TANC2: variants seen among roughly 807,000 people sequenced by gnomAD.
The protein encoded by TANC2 is tetratricopeptide repeat, ankyrin repeat and coiled-coil containing 2.
In TANC2, 26 loss-of-function variants were observed where a neutral mutation model predicts 210.5. That is an observed-to-expected ratio of 0.12 (90% CI 0.09 to 0.17). The LOEUF is 0.17. TANC2 is among the 10% of genes least tolerant of loss of function. The pLI is 1.00. For synonymous variants in TANC2, 931 were observed against 967.1 expected, an observed-to-expected ratio of 0.96 and a Z score of 0.69; for missense variants, 2,129 against 2,608.9, an observed-to-expected ratio of 0.82 and a Z score of 4.01.
In TANC2 at chr17:63,046,325, CTTTTTTTTTT is replaced by C. The variant is rs57550590; in HGVS notation, c.68-27603_68-27594del. ...CAGGTGCGTGCCACCACACCCAGCT[CTTTTTTTTTT>C]TTTTTTTTTTTTTTGAGATGGAGTT... On this transcript the variant is annotated intron_variant, in intron 2 of 27. Transcript: ENST00000689528. Among the ~76,000 whole-genome samples, 154 of 44,144 alleles carry C rather than the reference CTTTTTTTTTT, an allele frequency of 3.5e-3. 4 individuals carry two copies. Among genetic ancestry groups the C allele is most frequent in the African/African-American group, 0.017 (142 of 8,538 alleles). 29.0% of individuals were successfully genotyped at this position (44,144 alleles called of 152,430 possible).
intron 12 of TANC2, among the ~76,000 whole-genome samples, chr17:63,341,706 C>T (rs2046233618): frequency 6.6e-6 from 1 of 152,212 alleles, no homozygotes; most frequent in Non-Finnish European, 1.5e-5. Context: ...AAGTTCTTCC[C>T]CAGTCTCTCC....
chr17:63,166,849 CAT>C (rs1316644362), intron 5 of TANC2, among the ~76,000 whole-genome samples: 1 of 152,068 alleles, frequency 6.6e-6, no homozygotes, highest in Non-Finnish European at 1.5e-5. Context: ...TTGGTTGAAA[CAT>C]AGGGTTTATG....
chr17:63,355,079 C>G, exon 14 of TANC2: 2 of 1,613,860 alleles, frequency 1.2e-6, no homozygotes, highest in Non-Finnish European at 1.7e-6. Context: ...CTGTTTCGCT[C>G]TCAGAGGTTT....
At chr17:63,174,527 T>C (rs1005673383) in intron 5 of TANC2, among the ~76,000 whole-genome samples, 1 of 152,234 alleles carries the variant, frequency 6.6e-6, no homozygotes. Context: ...AACCTGATGC[T>C]AGAGCTAATT....
chr17:63,221,703 T>C (rs774354218), intron 7 of TANC2, among the ~76,000 whole-genome samples: 12 of 152,164 alleles, frequency 7.9e-5, no homozygotes, highest in Non-Finnish European at 1.6e-4. Context: ...AAAACCATAA[T>C]TGGATATCAC....
At chr17:63,007,802 T>G (rs954175862) in intron 1 of TANC2, among the ~76,000 whole-genome samples, 1 of 152,136 alleles carries the variant, frequency 6.6e-6, no homozygotes, top group African/African-American at 2.4e-5. Flanking sequence ...TAGTCATTTA[T>G]TAATACTTAA....
intron 14 of TANC2, among the ~76,000 whole-genome samples, chr17:63,367,244 A>T (rs2047136982): frequency 1.3e-5 from 2 of 152,182 alleles, no homozygotes; most frequent in South Asian, 4.1e-4. Flanking sequence ...ACCACTAGAG[A>T]AACTTAGGTG....
At chr17:63,070,496 C>T (rs2036359014) in intron 2 of TANC2, among the ~76,000 whole-genome samples, 1 of 152,162 alleles carries the variant, frequency 6.6e-6, no homozygotes, top group Non-Finnish European at 1.5e-5. Context: ...TCCTTACTGG[C>T]CTTACTCTCA....
intron 9 of TANC2, among the ~76,000 whole-genome samples, chr17:63,311,985 G>A (rs570203492): frequency 2.6e-5 from 4 of 152,296 alleles, no homozygotes; most frequent in East Asian, 1.9e-4. Context: ...CTTTGGGGGT[G>A]ATGAAGGTAT....
At chr17:63,391,444 C>T (rs1007536121) in intron 17 of TANC2, 12 of 152,200 alleles carry the variant, frequency 7.9e-5, no homozygotes, top group African/African-American at 2.7e-4. Context: ...AGTCACTTAA[C>T]CTCTCTCAAT....
intron 5 of TANC2, among the ~76,000 whole-genome samples, chr17:63,177,774 C>T (rs1240497353): frequency 6.6e-6 from 1 of 152,102 alleles, no homozygotes; most frequent in Non-Finnish European, 1.5e-5. Context: ...TGGTGTATCA[C>T]CAGAGCACAA....
intron 5 of TANC2, among the ~76,000 whole-genome samples, chr17:63,163,369 T>A (rs945794938): frequency 6.6e-6 from 1 of 152,114 alleles, no homozygotes; most frequent in African/African-American, 2.4e-5. Flanking sequence ...CAGAAGATCA[T>A]CTGTGTGAAT....
intron 2 of TANC2, among the ~76,000 whole-genome samples, chr17:63,016,185 A>G (rs2034099101): frequency 6.6e-6 from 1 of 152,256 alleles, no homozygotes; most frequent in African/African-American, 2.4e-5. Flanking sequence ...AGATTTTTGT[A>G]CATCAGAAAA....
intron 4 of TANC2, among the ~76,000 whole-genome samples, chr17:63,127,438 A>C (rs2038751369): frequency 6.6e-6 from 1 of 152,172 alleles, no homozygotes; most frequent in Non-Finnish European, 1.5e-5. Flanking sequence ...TCATCTGTCC[A>C]AAATAGTTTT....
chr17:63,225,577 C>G (rs993712277), intron 7 of TANC2, among the ~76,000 whole-genome samples: 1 of 152,192 alleles, frequency 6.6e-6, no homozygotes, highest in Admixed American at 6.5e-5. Flanking sequence ...TTATGTTCCT[C>G]TTAATCCTGC....
At chr17:63,128,254 C>T (rs1598439787) in intron 4 of TANC2, among the ~76,000 whole-genome samples, 1 of 152,184 alleles carries the variant, frequency 6.6e-6, no homozygotes, top group Non-Finnish European at 1.5e-5. Context: ...TGGGTTGTTT[C>T]TAACACATAG....
In TANC2 at chr17:63,274,024, T is replaced by C. The variant is rs140072287; in HGVS notation, c.1159+6151T>C. On this transcript the variant is annotated intron_variant, in intron 9 of 27. Coordinates refer to ENST00000689528, the Ensembl canonical transcript of TANC2. Reference sequence around the variant, plus strand: ...TTACAAAAGTGCAAAAATGCGTAGTTTGAGAGCTGGTTACATGTTATTCAT... The same window carrying C: ...TTACAAAAGTGCAAAAATGCGTAGTCTGAGAGCTGGTTACATGTTATTCAT... Among the ~76,000 whole-genome samples, 1,176 of 152,290 alleles carry C rather than the reference T, an allele frequency of 7.7e-3. 6 individuals carry two copies. The highest frequency in any genetic ancestry group is 0.012 in the Non-Finnish European group (811 of 68,014).
At chr17:63,041,631 A>G (rs762474003) in intron 2 of TANC2, among the ~76,000 whole-genome samples, 3 of 152,140 alleles carry the variant, frequency 2.0e-5, no homozygotes, top group Non-Finnish European at 4.4e-5. Flanking sequence ...GGAGTGTTAT[A>G]TTCAATCGAG....
chr17:63,404,281 A>G (rs1343946320), intron 19 of TANC2, among the ~76,000 whole-genome samples: 3 of 152,230 alleles, frequency 2.0e-5, no homozygotes, highest in Non-Finnish European at 4.4e-5. Context: ...GATAGACTTC[A>G]TATCTCCAAA....
Sources: gnomAD v4.1 joint callset for allele counts (sites outside exome capture counted in the v4.1 genomes callset) on GRCh38, gnomAD v4.1.1 for gene constraint, MANE v1.5 for transcripts, NCBI Gene and HGNC (gene_info 2026-07-23, HGNC 2026-07-21) for gene names.